Variants in PCLO observed in about 807,000 individuals in gnomAD.
PCLO encodes piccolo presynaptic cytomatrix protein.
PCLO carries 82 observed loss-of-function variants against 427.5 expected under a neutral mutation model. The observed-to-expected ratio is 0.19, with a 90% CI of 0.16 to 0.23. PCLO has a LOEUF of 0.23. Ranked by LOEUF, PCLO falls within the 10% of genes least tolerant of loss-of-function variation. The pLI is 1.00. For synonymous variants in PCLO, 2,357 were observed against 2,155.4 expected (o/e 1.09, Z -2.59); for missense variants, 6,239 against 6,115.9 (o/e 1.02, Z -0.67).
chr7:82,811,142 G>T (rs539461753), intron 20 of PCLO, among the ~76,000 whole-genome samples: 1 of 151,590 alleles, frequency 6.6e-6, no homozygotes, highest in South Asian at 2.1e-4. Flanking sequence ...TATCTTCCTA[G>T]ATACAGTCTC....
chr7:83,011,507 CATT>C (rs1377394510), intron 3 of PCLO, among the ~76,000 whole-genome samples: 1 of 151,624 alleles, frequency 6.6e-6, no homozygotes, highest in African/African-American at 2.4e-5. Flanking sequence ...CTACAAATCT[CATT>C]ATGTGATTTT....
chr7:83,057,329 T>C lies in PCLO; in HGVS notation c.3300+76921A>G, dbSNP rs1188795950. ...ATCATTATATATACATATATATATA[T>C]ATATATATATATATATATATTTTTT... is the stretch of plus-strand genomic sequence containing the variant. On this transcript the variant is annotated intron_variant, in intron 3 of 24. Coordinates refer to ENST00000333891, the MANE Select transcript of PCLO (RefSeq NM_033026.6). 8.9e-3 allele frequency among the ~76,000 whole-genome samples: 144 copies of C among 16,146 alleles called. 5 individuals are homozygous for C. Among genetic ancestry groups the C allele is most frequent in the African/African-American group, 0.036 (138 of 3,840 alleles). 10.6% of individuals were successfully genotyped at this position (16,146 alleles called of 152,430 possible). A position where few individuals can be genotyped will look rare whatever the true frequency, so the allele number is the denominator to read the frequency against.
chr7:82,970,601 A>G (rs1012441971), intron 3 of PCLO, among the ~76,000 whole-genome samples: 8 of 151,874 alleles, frequency 5.3e-5, no homozygotes, highest in Admixed American at 2.0e-4. Flanking sequence ...CCCTAGAACC[A>G]AAAATAAAAT....
intron 22 of PCLO, among the ~76,000 whole-genome samples, chr7:82,763,613 C>A (rs1790474357): frequency 6.6e-6 from 1 of 151,948 alleles, no homozygotes; most frequent in Non-Finnish European, 1.5e-5. Flanking sequence ...ATGAAATTAG[C>A]TTAAAATTTG....
At chr7:82,918,658 T>G (rs1463651551) in intron 6 of PCLO, among the ~76,000 whole-genome samples, 1 of 152,100 alleles carries the variant, frequency 6.6e-6, no homozygotes, top group Non-Finnish European at 1.5e-5. Flanking sequence ...GGCTGAAAAC[T>G]ACATACTATT....
At chr7:83,145,059 T>C (rs1791960260) in intron 2 of PCLO, among the ~76,000 whole-genome samples, 1 of 152,184 alleles carries the variant, frequency 6.6e-6, no homozygotes, top group South Asian at 2.1e-4. Context: ...ATCTCATCTA[T>C]ATGTACTTTT....
At chr7:82,891,484 G>A (rs1443452245) in intron 9 of PCLO, among the ~76,000 whole-genome samples, 2 of 152,054 alleles carry the variant, frequency 1.3e-5, no homozygotes, top group Admixed American at 1.3e-4. Flanking sequence ...TCTGCAAAAA[G>A]GGACAATTTG....
At chr7:82,810,217 A>G (rs1261049988) in intron 20 of PCLO, among the ~76,000 whole-genome samples, 7 of 151,772 alleles carry the variant, frequency 4.6e-5, no homozygotes, top group African/African-American at 1.4e-4. Flanking sequence ...TATAATTTCA[A>G]AATCAAAAAT....
Position 83,134,286 on chromosome 7 carries a change from A to C in PCLO, c.3264T>G (p.Asn1088Lys), listed in dbSNP as rs369815128. The change falls in exon 3 of 25, where the codon AAT becomes AAG. Residue 1088 changes from asparagine to lysine, a missense_variant. Physicochemically the swap from Asn to Lys is moderately conservative, Grantham distance 94. Around this residue, in one of 5 missense-constraint regions of PCLO, gnomAD observed 4,677 missense variants for 4,468.4 expected, o/e 1.05. Coordinates refer to ENST00000333891, the MANE Select transcript of PCLO (RefSeq NM_033026.6). Reference sequence around the variant, plus strand: ...GTGGTGTAGGGTTAAATCCACAGAGATTACACACTTGATTCTTGCATTCAG... The same window carrying C: ...GTGGTGTAGGGTTAAATCCACAGAGCTTACACACTTGATTCTTGCATTCAG... ...TCTECKNQVC[N>K]LCGFNPTPHL... is the part of the protein sequence containing the mutation. 1 of 1,567,042 alleles carries C rather than the reference A, an allele frequency of 6.4e-7. No individual in the cohort carries two copies. Among genetic ancestry groups the C allele is most frequent in the Non-Finnish European group, 8.7e-7 (1 of 1,154,916 alleles).
chr7:83,111,123 C>T (rs1173727163), intron 3 of PCLO, among the ~76,000 whole-genome samples: 2 of 152,208 alleles, frequency 1.3e-5, no homozygotes, highest in African/African-American at 4.8e-5. Context: ...TGAATTATCA[C>T]TATATACTTA....
intron 22 of PCLO, among the ~76,000 whole-genome samples, chr7:82,792,013 C>A (rs978044471): frequency 6.6e-6 from 1 of 151,866 alleles, no homozygotes; most frequent in Non-Finnish European, 1.5e-5. Context: ...CTTTGAATTT[C>A]ATAGACTTTT....
Position 82,968,193 on chromosome 7 carries a change from C to T in PCLO, c.3301-1706G>A, listed in dbSNP as rs148674616. 3.0e-3 allele frequency among the ~76,000 whole-genome samples: 452 copies of T among 152,180 alleles called. 1 individual carries two copies. The highest frequency in any genetic ancestry group is 0.01 in the African/African-American group (427 of 41,514). ...ATTCTGTAAATGTGGTAAAATGCTG[C>T]CAATAAAATATTAGGATATATATGG... On this transcript the variant is annotated intron_variant, in intron 3 of 24. Coordinates refer to ENST00000333891, the MANE Select transcript of PCLO (RefSeq NM_033026.6).
In PCLO at chr7:82,867,858, C is replaced by A. The variant is rs898688075; in HGVS notation, c.13654+11479G>T. ...ATGGATAAAGAAGAGAAATATGTTTCTTTGTACTGGCAATGTATCTAATCA... is the reference window on the plus strand; with the variant it reads ...ATGGATAAAGAAGAGAAATATGTTTATTTGTACTGGCAATGTATCTAATCA... On this transcript the variant is annotated intron_variant, in intron 10 of 24. Transcript: ENST00000333891. Among the ~76,000 whole-genome samples the A allele has an allele frequency of 3.3e-5, 5 of 152,196 alleles. No homozygotes were observed. In the East Asian group the frequency reaches 9.7e-4, roughly 29 times the overall value.
intron 4 of PCLO, among the ~76,000 whole-genome samples, chr7:82,960,348 T>C (rs1225648311): frequency 1.3e-5 from 2 of 152,176 alleles, no homozygotes; most frequent in Admixed American, 6.5e-5. Flanking sequence ...CACTATAATA[T>C]GGGAGTCCTC....
chr7:82,757,399 C>T lies in PCLO; in HGVS notation c.*1176G>A, dbSNP rs932237905. ...TTCCCAACATTGATGAACTTGATCA[C>T]TGTGATACTGTCACTAAAGTAAGAA... On this transcript the variant is annotated 3_prime_UTR_variant, in exon 25 of 25. Coordinates refer to ENST00000333891, the MANE Select transcript of PCLO (RefSeq NM_033026.6). 6.6e-6 allele frequency: 1 copy of T among 151,938 alleles called. No homozygotes were observed. The highest frequency in any genetic ancestry group is 2.4e-5 in the African/African-American group (1 of 41,404). 9.4% of individuals were successfully genotyped at this position (151,938 alleles called of 1,614,324 possible).
chr7:83,046,200 C>T (rs551554527), intron 3 of PCLO, among the ~76,000 whole-genome samples: 1 of 152,144 alleles, frequency 6.6e-6, no homozygotes, highest in Non-Finnish European at 1.5e-5. Context: ...GATACAGTCA[C>T]ATTCTGAGGC....
At position 82,915,047 on chromosome 7, in the gene PCLO, G is replaced by A; in HGVS notation, c.12939C>T (p.Ser4313=). 6.2e-7 allele frequency: 1 copy of A among 1,613,202 alleles called. No individual in the cohort carries two copies. The highest frequency in any genetic ancestry group is 8.5e-7 in the Non-Finnish European group (1 of 1,179,532). Residue 4313 remains serine, a synonymous_variant, in exon 7 of 25, where the codon TCC becomes TCT. Coordinates refer to ENST00000333891, the MANE Select transcript of PCLO (RefSeq NM_033026.6). The part of the protein sequence containing the change: ...LSIKRDSSSS[S]LRLKAQEAEA... ...CAGCCTCTTGAGCTTTCAGTCTTAG[G>A]GAAGAGCTAGAAGAATCCCTTTTAA...
At chr7:83,029,262 GA>G (rs201134210) in intron 3 of PCLO, among the ~76,000 whole-genome samples, 94 of 126,884 alleles carry the variant, frequency 7.4e-4, no homozygotes, top group African/African-American at 1.2e-3. Context: ...AAATTTACAA[GA>G]AAAAAAAAAA....
chr7:83,039,866 G>C (rs911203030), intron 3 of PCLO, among the ~76,000 whole-genome samples: 30 of 152,080 alleles, frequency 2.0e-4, no homozygotes, highest in African/African-American at 6.3e-4. Flanking sequence ...GTAGTTTTCA[G>C]AGTATAAGTT....
Sources: gnomAD v4.1 joint callset for allele counts (sites outside exome capture counted in the v4.1 genomes callset) on GRCh38, gnomAD v4.1.1 for gene constraint, gnomAD v4.1.1 regional missense constraint, MANE v1.5 for transcripts, NCBI Gene and HGNC (gene_info 2026-07-23, HGNC 2026-07-21) for gene names.